The following IBTK variants were observed in gnomAD, a reference collection of about 807,000 sequenced individuals.
The protein encoded by IBTK is BTK-binding protein.
Under a neutral mutation model 154.9 loss-of-function variants are expected in IBTK, and 83 were observed. The ratio of observed to expected loss-of-function variants is 0.54; its 90% CI spans 0.45 to 0.64. The LOEUF is 0.64. Among genes scored for constraint, IBTK ranks in the 30% least tolerant of loss-of-function variants. The pLI is 0.00. For missense variants in IBTK, 1,332 were observed against 1,584.6 expected (o/e 0.84, Z 2.71); for synonymous variants, 515 against 536.1 (o/e 0.96, Z 0.54).
chr6:82,233,333 A>C (rs1322920211), intron 3 of IBTK, among the ~76,000 whole-genome samples: 2 of 152,058 alleles, frequency 1.3e-5, no homozygotes, highest in Non-Finnish European at 2.9e-5. Context: ...TCTCAACAAC[A>C]ACCACAAAAA....
At chr6:82,202,392 C>T (rs117465325) in intron 18 of IBTK, 136 bp downstream of exon 18, 3 of 634,028 alleles carry the variant, frequency 4.7e-6, no homozygotes. Flanking sequence ...TACATAACTT[C>T]TAAATCATCA....
intron 23 of IBTK, 67 bp from the exon 24 acceptor site, chr6:82,191,946 C>T: frequency 1.3e-6 from 1 of 798,380 alleles, no homozygotes; most frequent in Non-Finnish European, 2.0e-6. Flanking sequence ...CCCAACTTCA[C>T]TGAAATGATA....
At chr6:82,182,234 A>C (rs1382134209) in intron 25 of IBTK, among the ~76,000 whole-genome samples, 5 of 152,302 alleles carry the variant, frequency 3.3e-5, no homozygotes, top group Non-Finnish European at 1.5e-5. Context: ...CCAAGTCTAG[A>C]GATAACTCAG....
chr6:82,194,967 T>C (rs373274624), intron 22 of IBTK, among the ~76,000 whole-genome samples: 105 of 152,288 alleles, frequency 6.9e-4, no homozygotes, highest in African/African-American at 2.5e-3. Context: ...AATTTTAAAA[T>C]TAATATCCAT....
At chr6:82,207,244 AG>A (rs552085853) in intron 16 of IBTK, among the ~76,000 whole-genome samples, 45 of 152,342 alleles carry the variant, frequency 3.0e-4, no homozygotes, top group African/African-American at 1.1e-3. Context: ...GCAAGGTTGC[AG>A]GATATAAGAT....
intron 3 of IBTK, among the ~76,000 whole-genome samples, chr6:82,232,552 C>T (rs535565595): frequency 6.6e-6 from 1 of 152,244 alleles, no homozygotes; most frequent in African/African-American, 2.4e-5. Flanking sequence ...AATGCAGTAT[C>T]CAGGGTAGAA....
At chr6:82,213,118 C>G (rs972331179) in intron 12 of IBTK, among the ~76,000 whole-genome samples, 6 of 152,060 alleles carry the variant, frequency 3.9e-5, no homozygotes, top group Non-Finnish European at 5.9e-5. Flanking sequence ...ACCTCCACCT[C>G]CCAGGTTCAC....
chr6:82,207,352 TTAA>T (rs1333314989), intron 16 of IBTK, among the ~76,000 whole-genome samples: 3 of 152,150 alleles, frequency 2.0e-5, no homozygotes, highest in African/African-American at 7.2e-5. Flanking sequence ...CTAAAAATTC[TTAA>T]TAATTTTTAA....
Position 82,195,928 on chromosome 6 carries a change from T to C in IBTK, c.3174+370A>G, listed in dbSNP as rs1165029373. Among the ~76,000 whole-genome samples the C allele has an allele frequency of 9.2e-5, 14 of 152,214 alleles. 1 individual carries two copies. The highest frequency in any genetic ancestry group is 1.3e-4 in the Non-Finnish European group (9 of 68,042). On this transcript the variant is annotated intron_variant, in intron 22 of 28. Coordinates refer to ENST00000306270, the MANE Select transcript of IBTK (RefSeq NM_015525.4). The stretch of plus-strand genomic sequence containing the variant: ...AGACTGCGAACTTTCAAAGTAGGCT[T>C]ATTTTCGAAATCATTTGCCTTGACA...
chr6:82,207,930 A>G (rs1294156385), intron 16 of IBTK, among the ~76,000 whole-genome samples: 1 of 152,162 alleles, frequency 6.6e-6, no homozygotes, highest in Non-Finnish European at 1.5e-5. Flanking sequence ...AAATAACTTA[A>G]TAAGAATGGT....
At chr6:82,247,101 C>T (rs993455833) in intron 1 of IBTK, among the ~76,000 whole-genome samples, 2 of 152,170 alleles carry the variant, frequency 1.3e-5, no homozygotes, top group Non-Finnish European at 2.9e-5. Context: ...TTTTACATAG[C>T]AATCAATGTC....
rs2127795245 is a variant in IBTK, at chr6:82,172,531, T to C, written c.3798-19A>G. 2 of 1,590,158 alleles carry C rather than the reference T, an allele frequency of 1.3e-6. No homozygotes were observed. The highest frequency in any genetic ancestry group is 1.2e-5 in the South Asian group (1 of 85,914). ...CCAGGGACTGAAAGAATAATAATAA[T>C]GAGTTTCATTCATCTTCCTAAATTT... is the stretch of plus-strand genomic sequence containing the variant. On this transcript the variant is annotated intron_variant, in intron 27 of 28. Transcript: ENST00000306270.
Position 82,185,152 on chromosome 6 carries a change from C to A in IBTK, c.3576-3124G>T, listed in dbSNP as rs1354259702. ...GAGCCAAGATTGCGCCACGGCACTG[C>A]AGCCTGGGCGACAGAGCAAAACTCT... On this transcript the variant is annotated intron_variant, in intron 25 of 28. Coordinates refer to ENST00000306270, the MANE Select transcript of IBTK (RefSeq NM_015525.4). 8.3e-5 allele frequency among the ~76,000 whole-genome samples: 11 copies of A among 133,278 alleles called. No individual in the cohort carries two copies. In the South Asian group the frequency reaches 2.6e-3, roughly 32 times the overall value. The allele number at this position is 133,278 out of a possible 152,430, so 87.4% of individuals were successfully genotyped here.
intron 5 of IBTK, among the ~76,000 whole-genome samples, chr6:82,225,954 T>C (rs1770281237): frequency 6.6e-6 from 1 of 152,084 alleles, no homozygotes. Context: ...CTCATCAAAG[T>C]ATACACGGGT....
rs138683645 is a variant in IBTK, at chr6:82,212,017, C to T, written c.2292-445G>A. Among the ~76,000 whole-genome samples, 1,143 of 151,906 alleles carry T rather than the reference C, an allele frequency of 7.5e-3. 4 individuals are homozygous for T. The highest frequency in any genetic ancestry group is 0.012 in the Non-Finnish European group (796 of 67,960). Reference sequence around the variant, plus strand: ...AACAAAACTTTTTTTTTCTTTGAAACGGGGTCTCGTTCTGCCACCCAGGCT... The same window carrying T: ...AACAAAACTTTTTTTTTCTTTGAAATGGGGTCTCGTTCTGCCACCCAGGCT... On this transcript the variant is annotated intron_variant, in intron 13 of 28. Coordinates refer to ENST00000306270, the MANE Select transcript of IBTK (RefSeq NM_015525.4).
In IBTK at chr6:82,204,872, C is replaced by G. The variant is rs771377284; in HGVS notation, c.2596G>C (p.Ala866Pro). The G allele has an allele frequency of 4.4e-6, 7 of 1,597,636 alleles. No homozygotes were observed. The highest frequency in any genetic ancestry group is 6.0e-6 in the Non-Finnish European group (7 of 1,169,174). The change falls in exon 17 of 29, where the codon GCA becomes CCA. Residue 866 changes from alanine to proline, a missense_variant. Ala to Pro is a conservative substitution (Grantham distance 27). Around this residue, in one of 3 missense-constraint regions of IBTK, gnomAD observed 1,134 missense variants for 1,274.7 expected, o/e 0.89. Coordinates refer to ENST00000306270, the MANE Select transcript of IBTK (RefSeq NM_015525.4). ...ITRLKEICEV[A>P]LTEKLTLKNA... ...AATTACTCACGTTTTTCAGTTAATGCTACTTCACAAATCTCTTTCAACCGG... is the reference window on the plus strand; with the variant it reads ...AATTACTCACGTTTTTCAGTTAATGGTACTTCACAAATCTCTTTCAACCGG...
chr6:82,247,244 A>G (rs1425058492), intron 1 of IBTK, among the ~76,000 whole-genome samples: 1 of 152,258 alleles, frequency 6.6e-6, no homozygotes, highest in East Asian at 1.9e-4. Context: ...CTCGAAGGAA[A>G]GTGACACTAC....
At chr6:82,196,926 C>G (rs1422699816) in intron 21 of IBTK, among the ~76,000 whole-genome samples, 3 of 152,106 alleles carry the variant, frequency 2.0e-5, no homozygotes, top group Non-Finnish European at 4.4e-5. Context: ...GCTGACTGAC[C>G]CCATAGCAGA....
At chr6:82,238,607 A>T (rs1268976949) in intron 2 of IBTK, among the ~76,000 whole-genome samples, 1 of 151,610 alleles carries the variant, frequency 6.6e-6, no homozygotes, top group Non-Finnish European at 1.5e-5. Flanking sequence ...CCAGCTAATA[A>T]TTTTTGTATT....
Sources: gnomAD v4.1 joint callset for allele counts (sites outside exome capture counted in the v4.1 genomes callset) on GRCh38, gnomAD v4.1.1 for gene constraint, gnomAD v4.1.1 regional missense constraint, MANE v1.5 for transcripts, NCBI Gene and HGNC (gene_info 2026-07-23, HGNC 2026-07-21) for gene names.